Variants in IL6R observed in about 807,000 individuals in gnomAD.
IL6R encodes interleukin 6 receptor.
Under a neutral mutation model 48.3 loss-of-function variants are expected in IL6R, and 38 were observed. The observed-to-expected ratio is 0.79, with a 90% confidence interval of 0.61 to 1.03. The LOEUF (loss-of-function observed/expected upper bound fraction) is 1.03. Ranked by LOEUF, IL6R falls within the 50% of genes least tolerant of loss-of-function variation. IL6R has a pLI of 0.00. For missense variants in IL6R, 534 were observed against 618.3 expected, an observed-to-expected ratio of 0.86 and a Z score of 1.45; for synonymous variants, 264 against 256.2, an observed-to-expected ratio of 1.03 and a Z score of -0.29.
At chr1:154,441,371 G>T (rs1302074130) in intron 6 of IL6R, among the ~76,000 whole-genome samples, 1 of 152,200 alleles carries the variant, frequency 6.6e-6, no homozygotes, top group Non-Finnish European at 1.5e-5. Context: ...CACAGCTTCT[G>T]TGGGAGCTCA....
chr1:154,424,107 G>T (rs892214205), intron 1 of IL6R, among the ~76,000 whole-genome samples: 1 of 152,198 alleles, frequency 6.6e-6, no homozygotes, highest in African/African-American at 2.4e-5. Context: ...CTGCCCCCCA[G>T]CCTGGGGCCT....
chr1:154,414,875 G>T, intron 1 of IL6R: 1 of 791,858 alleles, frequency 1.3e-6, no homozygotes, highest in Non-Finnish European at 2.2e-6. Flanking sequence ...TGGGGAAGCT[G>T]TTCCTTGTAA....
intron 6 of IL6R, among the ~76,000 whole-genome samples, chr1:154,437,183 G>T (rs1231814876): frequency 1.3e-5 from 2 of 152,094 alleles, no homozygotes. Flanking sequence ...TGCAAGCTCC[G>T]CTTTCCAGGT....
At chr1:154,456,742 A>G (rs1690910727) in intron 9 of IL6R, among the ~76,000 whole-genome samples, 1 of 152,176 alleles carries the variant, frequency 6.6e-6, no homozygotes, top group Non-Finnish European at 1.5e-5. Context: ...CCTCAAGCGG[A>G]CACGCTTGGC....
At chr1:154,418,300 G>T (rs549305837) in intron 1 of IL6R, 1 of 364,594 alleles carries the variant, frequency 2.7e-6, no homozygotes, top group Non-Finnish European at 3.8e-6. Flanking sequence ...TCCTGAGTTG[G>T]TCACACGCGC....
At chr1:154,439,626 T>C (rs1689822483) in intron 6 of IL6R, among the ~76,000 whole-genome samples, 2 of 152,240 alleles carry the variant, frequency 1.3e-5, no homozygotes, top group South Asian at 4.1e-4. Context: ...ATTTATATTA[T>C]TTTTAAGTGC....
rs140206920 is a variant in IL6R, at chr1:154,414,521, A to T, written c.85+8807A>T. 989 of 797,938 alleles carry T rather than the reference A, an allele frequency of 1.2e-3. 7 individuals carry two copies. In the African/African-American group the frequency reaches 0.015, roughly 12 times the overall value. 49.4% of individuals were successfully genotyped at this position (797,938 alleles called of 1,614,324 possible). On this transcript the variant is annotated intron_variant, in intron 1 of 9. Coordinates refer to ENST00000368485, the MANE Select transcript of IL6R (RefSeq NM_000565.4). The stretch of plus-strand genomic sequence containing the variant: ...CCCTCACTTCTTGGTGTAGTCGGTC[A>T]TCTTTTTGGGTGTGTTGAAGAAGAG...
chr1:154,459,519 A>C (rs931348285), intron 9 of IL6R, among the ~76,000 whole-genome samples: 2 of 152,204 alleles, frequency 1.3e-5, no homozygotes, highest in African/African-American at 2.4e-5. Flanking sequence ...TGGGATGGCC[A>C]CATTTACAGT....
intron 3 of IL6R, 35 bp downstream of exon 3, chr1:154,430,641 C>T (rs771988028): frequency 1.9e-6 from 3 of 1,613,648 alleles, no homozygotes; most frequent in Non-Finnish European, 8.5e-7. Context: ...TGCATGTTGG[C>T]TCCCTCCTTC....
At chr1:154,451,503 G>C (rs931799382) in intron 8 of IL6R, among the ~76,000 whole-genome samples, 1 of 152,140 alleles carries the variant, frequency 6.6e-6, no homozygotes, top group Non-Finnish European at 1.5e-5. Flanking sequence ...GGGCCACAGA[G>C]TGAGATTCCA....
Position 154,448,112 on chromosome 1 carries a change from C to G in IL6R, c.950-13C>G, listed in dbSNP as rs1690377468. ...CATGAATCACTAATAATGAGCCTTT[C>G]TTCTGTCCGCAGAATCCAGGAGTCC... On this transcript the variant is annotated splice_polypyrimidine_tract_variant and intron_variant, in intron 6 of 9. Transcript: ENST00000368485. 6.2e-7 allele frequency: 1 copy of G among 1,612,150 alleles called. No individual in the cohort carries two copies. Among genetic ancestry groups the G allele is most frequent in the Non-Finnish European group, 8.5e-7 (1 of 1,178,318 alleles).
At chr1:154,419,878 A>C (rs935794412) in intron 1 of IL6R, among the ~76,000 whole-genome samples, 3 of 152,148 alleles carry the variant, frequency 2.0e-5, no homozygotes, top group African/African-American at 4.8e-5. Context: ...GATTCCTGGC[A>C]CCCAAACTTA....
intron 9 of IL6R, among the ~76,000 whole-genome samples, chr1:154,455,855 G>A (rs1242202727): frequency 6.6e-6 from 1 of 151,784 alleles, no homozygotes; most frequent in Non-Finnish European, 1.5e-5. Context: ...TCAGGAGTTC[G>A]AGACCAGCCT....
At chr1:154,417,265 G>A (rs12090237) in intron 1 of IL6R, among the ~76,000 whole-genome samples, 8,380 of 152,214 alleles carry the variant, frequency 0.055, 561 homozygotes, top group African/African-American at 0.16. Flanking sequence ...GCCCAGCTCC[G>A]GTCCTGACAC....
In IL6R at chr1:154,405,769, C is replaced by T; in HGVS notation, c.85+55C>T. The stretch of plus-strand genomic sequence containing the variant: ...GGGGCAGCTAGCGGCTGGGGGAAAC[C>T]GCCTTGGTCACCGCAGTCTGTGGGA... On this transcript the variant is annotated intron_variant, in intron 1 of 9. Coordinates refer to ENST00000368485, the MANE Select transcript of IL6R (RefSeq NM_000565.4). This position sits in a 1 kb window ranked among gnomAD's most constrained non-coding sequence, Gnocchi z 5.2. 1.6e-6 allele frequency: 2 copies of T among 1,280,646 alleles called. No individual in the cohort carries two copies. Among genetic ancestry groups the T allele is most frequent in the South Asian group, 1.6e-5 (1 of 63,098 alleles). The allele number at this position is 1,280,646 out of a possible 1,614,324, so 79.3% of individuals were successfully genotyped here.
At position 154,465,350 on chromosome 1, in the gene IL6R, C is replaced by T; in HGVS notation, c.1377C>T (p.Ile459=). The change falls in exon 10 of 10, where the codon ATC becomes ATT. Residue 459 remains isoleucine, a synonymous_variant. Coordinates refer to ENST00000368485, the MANE Select transcript of IL6R (RefSeq NM_000565.4). ...DARDPRSPYD[I]SNTDYFFPR is the part of the protein sequence containing the mutation. ...GGGACCCACGGAGCCCTTATGACAT[C>T]AGCAATACAGACTACTTCTTCCCCA... 6.2e-7 allele frequency: 1 copy of T among 1,614,184 alleles called. No individual in the cohort carries two copies. The highest frequency in any genetic ancestry group is 1.1e-5 in the South Asian group (1 of 91,090).
chr1:154,447,403 C>T (rs976381926), intron 6 of IL6R, among the ~76,000 whole-genome samples: 11 of 136,788 alleles, frequency 8.0e-5, no homozygotes, highest in Non-Finnish European at 1.4e-4. Flanking sequence ...TATGCCACTT[C>T]ACTCCAGCCT....
rs1211685761 is a variant in IL6R, at chr1:154,416,308, AT to A, written c.85+10611del. On this transcript the variant is annotated intron_variant, in intron 1 of 9. Transcript: ENST00000368485. ...CCATGACTGGCTAATTTAAAAAAAA[AT>A]TTTTTTTTTTTTTTTTGTAGAGATG... Among the ~76,000 whole-genome samples, 1,007 of 138,606 alleles carry A rather than the reference AT, an allele frequency of 7.3e-3. 7 individuals are homozygous for A. Among genetic ancestry groups the A allele is most frequent in the African/African-American group, 0.018 (679 of 37,790 alleles). The allele number at this position is 138,606 out of a possible 152,430, so 90.9% of individuals were successfully genotyped here.
At chr1:154,436,272 C>T (rs890675730) in intron 6 of IL6R, among the ~76,000 whole-genome samples, 162 bp downstream of exon 6, 1 of 152,034 alleles carries the variant, frequency 6.6e-6, no homozygotes, top group Non-Finnish European at 1.5e-5. Context: ...GGGTGGATTG[C>T]CTGAGGTCAG....
Sources: gnomAD v4.1 joint callset for allele counts (sites outside exome capture counted in the v4.1 genomes callset) on GRCh38, gnomAD v4.1.1 for gene constraint, Gnocchi (gnomAD v3.1) non-coding constraint, MANE v1.5 for transcripts, NCBI Gene and HGNC (gene_info 2026-07-23, HGNC 2026-07-21) for gene names.